RAD18: variants seen among roughly 807,000 people sequenced by gnomAD.
RAD18 encodes E3 ubiquitin-protein ligase RAD18.
Under a neutral mutation model 60.4 loss-of-function variants are expected in RAD18, and 47 were observed. The ratio of observed to expected loss-of-function variants is 0.78; its 90% CI spans 0.62 to 0.99. The LOEUF (loss-of-function observed/expected upper bound fraction) is 0.99, where lower values mean the gene tolerates loss of function less well. RAD18 is among the 50% of genes least tolerant of loss of function. RAD18 has a pLI of 0.00. For missense variants in RAD18, 640 were observed against 593.3 expected, an observed-to-expected ratio of 1.08 and a Z score of -0.82; for synonymous variants, 225 against 195.5, an observed-to-expected ratio of 1.15 and a Z score of -1.26.
chr3:8,955,716 G>A (rs2124844681), intron 2 of RAD18, among the ~76,000 whole-genome samples: 1 of 152,318 alleles, frequency 6.6e-6, no homozygotes, highest in Non-Finnish European at 1.5e-5. Flanking sequence ...AAAAACAGCA[G>A]CTAATGAAAA....
chr3:8,941,500 G>A lies in RAD18; in HGVS notation c.571C>T (p.Pro191Ser). The change falls in exon 5 of 13, where the codon CCC becomes TCC. Residue 191 changes from proline to serine, a missense_variant. Coordinates refer to ENST00000264926, the MANE Select transcript of RAD18 (RefSeq NM_020165.4). ...DPSEAKRPEPPSTSTLKQVTK... is the reference protein window; with the variant it reads ...DPSEAKRPEPSSTSTLKQVTK... Reference sequence around the variant, plus strand: ...ACTTGTTTCAAAGTGGATGTCGAGGGTGGCTCAGGACGCTTAGCCTCTGAG... The same window carrying A: ...ACTTGTTTCAAAGTGGATGTCGAGGATGGCTCAGGACGCTTAGCCTCTGAG... 2.5e-6 allele frequency: 4 copies of A among 1,612,242 alleles called. No individual in the cohort carries two copies. The highest frequency in any genetic ancestry group is 1.7e-6 in the Non-Finnish European group (2 of 1,178,882).
At chr3:8,890,017 C>A in intron 12 of RAD18, 1 of 227,974 alleles carries the variant, frequency 4.4e-6, no homozygotes, top group South Asian at 7.4e-5. Context: ...TATGCTATAC[C>A]CTAGAGCCCA....
At chr3:8,887,646 A>C (rs9827040) in intron 12 of RAD18, among the ~76,000 whole-genome samples, 3,059 of 152,324 alleles carry the variant, frequency 0.02, 96 homozygotes, top group African/African-American at 0.07. Flanking sequence ...TACTTTCAAC[A>C]AACACCCTTA....
intron 12 of RAD18, among the ~76,000 whole-genome samples, chr3:8,888,804 T>A (rs1575531767): frequency 6.6e-6 from 1 of 152,346 alleles, no homozygotes; most frequent in East Asian, 1.9e-4. Flanking sequence ...TGTATCTTTC[T>A]CGCTTTAAAA....
intron 7 of RAD18, among the ~76,000 whole-genome samples, chr3:8,918,831 C>T (rs1163481636): frequency 1.3e-5 from 2 of 152,178 alleles, no homozygotes; most frequent in East Asian, 1.9e-4. Flanking sequence ...TGGACTTCTA[C>T]CCATCAACCA....
At chr3:8,923,849 C>T (rs1008630067) in intron 7 of RAD18, among the ~76,000 whole-genome samples, 8 of 152,172 alleles carry the variant, frequency 5.3e-5, no homozygotes, top group African/African-American at 1.7e-4. Context: ...AAATACTTTA[C>T]AGACAAGCAA....
At chr3:8,915,271 C>G (rs1316658497) in intron 7 of RAD18, among the ~76,000 whole-genome samples, 3 of 152,120 alleles carry the variant, frequency 2.0e-5, no homozygotes, top group African/African-American at 7.2e-5. Flanking sequence ...CACTCTCACC[C>G]TAATGACGAG....
At position 8,880,893 on chromosome 3, in the gene RAD18, AGGATGTG is replaced by A; in HGVS notation, c.*457_*463del. On this transcript the variant is annotated 3_prime_UTR_variant, in exon 13 of 13. Coordinates refer to ENST00000264926, the MANE Select transcript of RAD18 (RefSeq NM_020165.4). Reference sequence around the variant, plus strand: ...CGTGCATCGGTACTTACACACACCAAGGATGTGAACTGACATCCCGCCTTTCCAAAAA... The same window carrying A: ...CGTGCATCGGTACTTACACACACCAAAACTGACATCCCGCCTTTCCAAAAA... 1 of 162,112 alleles carries A rather than the reference AGGATGTG, an allele frequency of 6.2e-6. No individual in the cohort carries two copies. The highest frequency in any genetic ancestry group is 1.3e-5 in the Non-Finnish European group (1 of 74,250). 10.0% of individuals were successfully genotyped at this position (162,112 alleles called of 1,614,324 possible).
At chr3:8,943,495 C>T (rs567207990) in intron 4 of RAD18, among the ~76,000 whole-genome samples, 3 of 151,808 alleles carry the variant, frequency 2.0e-5, no homozygotes, top group Non-Finnish European at 4.4e-5. Flanking sequence ...TAGAAAATAT[C>T]CAAACCAAGC....
intron 1 of RAD18, 141 bp downstream of exon 1, chr3:8,963,194 T>TCTCA: frequency 4.4e-6 from 4 of 915,122 alleles, no homozygotes; most frequent in Non-Finnish European, 6.3e-6. Context: ...GGTCGGCTAG[T>TCTCA]GGCAGGGCAG....
intron 9 of RAD18, among the ~76,000 whole-genome samples, chr3:8,908,775 CTTTAT>C (rs1290344365): frequency 1.3e-5 from 2 of 152,182 alleles, no homozygotes; most frequent in African/African-American, 4.8e-5. Flanking sequence ...CTCTTCCTTG[CTTTAT>C]TTTTTCACTT....
At chr3:8,953,321 T>G (rs999229791) in intron 2 of RAD18, among the ~76,000 whole-genome samples, 2 of 151,978 alleles carry the variant, frequency 1.3e-5, no homozygotes, top group African/African-American at 4.8e-5. Context: ...CCTTTTAAAT[T>G]AGTATTTATA....
chr3:8,898,094 T>A (rs439848), intron 11 of RAD18, among the ~76,000 whole-genome samples: 87,206 of 151,718 alleles, frequency 0.57, 27,464 homozygotes, highest in Middle Eastern at 0.71. Flanking sequence ...AAAAAAGTAT[T>A]CAATAGAAAC....
intron 7 of RAD18, among the ~76,000 whole-genome samples, chr3:8,926,336 G>C (rs1268291532): frequency 6.6e-6 from 1 of 152,098 alleles, no homozygotes; most frequent in Admixed American, 6.5e-5. Context: ...AAATACCTAG[G>C]AACCCAACTT....
intron 7 of RAD18, among the ~76,000 whole-genome samples, chr3:8,927,139 A>C (rs1940456393): frequency 6.6e-6 from 1 of 152,248 alleles, no homozygotes; most frequent in Non-Finnish European, 1.5e-5. Flanking sequence ...AGAATGGGAG[A>C]AAATTTTTGC....
At chr3:8,915,685 G>A (rs933702273) in intron 7 of RAD18, among the ~76,000 whole-genome samples, 2 of 151,186 alleles carry the variant, frequency 1.3e-5, no homozygotes, top group African/African-American at 4.9e-5. Flanking sequence ...CCGGGTTCAC[G>A]CCATTCTCCT....
At chr3:8,945,552 A>G (rs1336865727) in intron 4 of RAD18, among the ~76,000 whole-genome samples, 2 of 140,060 alleles carry the variant, frequency 1.4e-5, no homozygotes, top group African/African-American at 5.2e-5. Flanking sequence ...GCTCACTGCA[A>G]CCTCCAACTC....
At chr3:8,895,283 G>A (rs1939765244) in intron 11 of RAD18, among the ~76,000 whole-genome samples, 1 of 152,184 alleles carries the variant, frequency 6.6e-6, no homozygotes, top group Non-Finnish European at 1.5e-5. Flanking sequence ...TTCATCGAAT[G>A]TCACATTTAA....
At chr3:8,922,395 T>G (rs916977805) in intron 7 of RAD18, among the ~76,000 whole-genome samples, 1 of 151,960 alleles carries the variant, frequency 6.6e-6, no homozygotes, top group Non-Finnish European at 1.5e-5. Flanking sequence ...GGGGGAGGGG[T>G]GCCTGCCATT....
Sources: gnomAD v4.1 joint callset for allele counts (sites outside exome capture counted in the v4.1 genomes callset) on GRCh38, gnomAD v4.1.1 for gene constraint, MANE v1.5 for transcripts, NCBI Gene and HGNC (gene_info 2026-07-23, HGNC 2026-07-21) for gene names.